SH3RF3: variants seen among roughly 807,000 people sequenced by gnomAD.
The protein encoded by SH3RF3 is E3 ubiquitin-protein ligase SH3RF3.
Under a neutral mutation model 66.3 loss-of-function variants are expected in SH3RF3, and 29 were observed. The ratio of observed to expected loss-of-function variants is 0.44; its 90% CI spans 0.33 to 0.60. The LOEUF (loss-of-function observed/expected upper bound fraction) is 0.60, where lower values mean the gene tolerates loss of function less well. SH3RF3 is among the 20% of genes least tolerant of loss of function. The pLI is 0.04. For missense variants in SH3RF3, 1,194 were observed against 1,190.9 expected (o/e 1.00, Z -0.04); for synonymous variants, 583 against 532.0 (o/e 1.10, Z -1.32).
At chr2:109,170,347 C>T (rs1677748959) in intron 1 of SH3RF3, among the ~76,000 whole-genome samples, 1 of 144,892 alleles carries the variant, frequency 6.9e-6, no homozygotes, top group African/African-American at 2.6e-5. Context: ...TCTCTCTTTC[C>T]TTTCTTTCTT....
intron 4 of SH3RF3, among the ~76,000 whole-genome samples, chr2:109,417,220 G>T (rs1469043830): frequency 6.6e-6 from 1 of 152,174 alleles, no homozygotes; most frequent in Non-Finnish European, 1.5e-5. Context: ...AGAGTGAGGT[G>T]ACAGCTTCTC....
At chr2:109,274,356 A>G (rs1207554612) in intron 1 of SH3RF3, among the ~76,000 whole-genome samples, 1 of 152,258 alleles carries the variant, frequency 6.6e-6, no homozygotes, top group Non-Finnish European at 1.5e-5. Context: ...CCCTATTTAC[A>G]CAGTAGCGAA....
At chr2:109,479,809 A>C (rs1398503757) in intron 8 of SH3RF3, among the ~76,000 whole-genome samples, 1 of 152,152 alleles carries the variant, frequency 6.6e-6, no homozygotes, top group African/African-American at 2.4e-5. Context: ...GCAGACCCCC[A>C]AAACCATCCA....
chr2:109,501,736 A>G lies in SH3RF3; in HGVS notation c.*65A>G. On this transcript the variant is annotated 3_prime_UTR_variant, in exon 10 of 10. Transcript: ENST00000309415. ...CCGCCTGGGAAGCTCCACGGCACAC[A>G]GAGAGGGAGCCATGGCGCCCCAAGG... The G allele has an allele frequency of 2.9e-6, 2 of 694,670 alleles. No individual in the cohort carries two copies. The highest frequency in any genetic ancestry group is 5.3e-6 in the Non-Finnish European group (2 of 375,770). The allele number at this position is 694,670 out of a possible 1,614,324, so 43.0% of individuals were successfully genotyped here. A position where few individuals can be genotyped will look rare whatever the true frequency, so the allele number is the denominator to read the frequency against.
At chr2:109,433,026 C>A (rs1056757106) in intron 6 of SH3RF3, among the ~76,000 whole-genome samples, 5 of 152,250 alleles carry the variant, frequency 3.3e-5, no homozygotes. Context: ...GTATGCTATG[C>A]GTGTGCAGTG....
intron 1 of SH3RF3, among the ~76,000 whole-genome samples, chr2:109,259,907 G>A (rs1209637281): frequency 6.6e-6 from 1 of 152,156 alleles, no homozygotes; most frequent in Non-Finnish European, 1.5e-5. Context: ...TCATGTGTGT[G>A]CTACACCGTG....
Position 109,146,188 on chromosome 2 carries a change from A to C in SH3RF3, c.573+16075A>C, listed in dbSNP as rs76004639. Among the ~76,000 whole-genome samples, 1,186 of 152,284 alleles carry C rather than the reference A, an allele frequency of 7.8e-3. 12 individuals are homozygous for C. Among genetic ancestry groups the C allele is most frequent in the East Asian group, 0.034 (174 of 5,182 alleles). On this transcript the variant is annotated intron_variant, in intron 1 of 9. Coordinates refer to ENST00000309415, the MANE Select transcript of SH3RF3 (RefSeq NM_001099289.3). ...ACGTATTAGAATGCATGGTACACTA[A>C]TAATGGCCATTATTATTGGAGCTAA...
intron 1 of SH3RF3, among the ~76,000 whole-genome samples, chr2:109,309,883 T>G (rs1410763693): frequency 8.6e-6 from 1 of 115,650 alleles, no homozygotes; most frequent in East Asian, 2.4e-4. Flanking sequence ...CTCCCACACA[T>G]TAATAATGGG....
intron 1 of SH3RF3, among the ~76,000 whole-genome samples, chr2:109,220,123 C>T (rs1462055980): frequency 6.6e-6 from 1 of 152,194 alleles, no homozygotes; most frequent in Non-Finnish European, 1.5e-5. Flanking sequence ...CAAACTGTCA[C>T]ATGTATGGTC....
chr2:109,407,589 G>C (rs1676481827), intron 4 of SH3RF3, among the ~76,000 whole-genome samples: 1 of 152,202 alleles, frequency 6.6e-6, no homozygotes, highest in Non-Finnish European at 1.5e-5. Context: ...TATAAGCTGT[G>C]CAAACTCCGG....
At chr2:109,211,092 G>A (rs10171304) in intron 1 of SH3RF3, among the ~76,000 whole-genome samples, 6,815 of 152,192 alleles carry the variant, frequency 0.045, 495 homozygotes, top group African/African-American at 0.15. Context: ...TGGTTAATAT[G>A]CCCATTTATG....
At chr2:109,307,781 C>T (rs1681634601) in intron 1 of SH3RF3, among the ~76,000 whole-genome samples, 2 of 148,292 alleles carry the variant, frequency 1.3e-5, no homozygotes, top group East Asian at 1.9e-4. Context: ...GCATAGTACT[C>T]CATGGTGTAT....
At chr2:109,190,664 A>C (rs1391398926) in intron 1 of SH3RF3, among the ~76,000 whole-genome samples, 1 of 152,160 alleles carries the variant, frequency 6.6e-6, no homozygotes, top group East Asian at 1.9e-4. Context: ...TCATTTCTAC[A>C]GTCTATGTGC....
At chr2:109,497,153 C>G (rs552952952) in intron 9 of SH3RF3, among the ~76,000 whole-genome samples, 2 of 152,222 alleles carry the variant, frequency 1.3e-5, no homozygotes, top group Non-Finnish European at 2.9e-5. Context: ...CATTTATGGT[C>G]ATTCGTTATA....
intron 2 of SH3RF3, among the ~76,000 whole-genome samples, chr2:109,360,260 A>T (rs1683028584): frequency 6.6e-6 from 1 of 152,194 alleles, no homozygotes; most frequent in Non-Finnish European, 1.5e-5. Context: ...CATATTTTTT[A>T]CTGCTAAATA....
chr2:109,482,768 T>G (rs1164056148), intron 8 of SH3RF3, among the ~76,000 whole-genome samples: 1 of 152,190 alleles, frequency 6.6e-6, no homozygotes, highest in East Asian at 1.9e-4. Context: ...GAACAACTGC[T>G]TCACCACTGA....
intron 1 of SH3RF3, among the ~76,000 whole-genome samples, chr2:109,197,073 G>C (rs1484715362): frequency 1.3e-5 from 2 of 152,220 alleles, no homozygotes; most frequent in Non-Finnish European, 2.9e-5. Flanking sequence ...GAGGCACAGA[G>C]AGGTGGAAGA....
chr2:109,464,982 C>T (rs920641661), intron 8 of SH3RF3, among the ~76,000 whole-genome samples: 19 of 152,226 alleles, frequency 1.2e-4, no homozygotes, highest in Admixed American at 5.2e-4. Context: ...ATCACTCTTT[C>T]ACATCTAACT....
At chr2:109,266,052 G>T (rs1445643492) in intron 1 of SH3RF3, among the ~76,000 whole-genome samples, 1 of 152,038 alleles carries the variant, frequency 6.6e-6, no homozygotes, top group Non-Finnish European at 1.5e-5. Context: ...TGTTGTATGT[G>T]CATGTGTGCT....
Sources: gnomAD v4.1 joint callset for allele counts (sites outside exome capture counted in the v4.1 genomes callset) on GRCh38, gnomAD v4.1.1 for gene constraint, MANE v1.5 for transcripts, NCBI Gene and HGNC (gene_info 2026-07-23, HGNC 2026-07-21) for gene names.